DLG2: variants seen among roughly 807,000 people sequenced by gnomAD.
DLG2 encodes the protein discs large MAGUK scaffold protein 2, also known as disks large homolog 2.
A neutral mutation model predicts 132.5 loss-of-function variants in DLG2; 45 were observed. That is an observed-to-expected ratio of 0.34 (90% CI 0.27 to 0.44). The LOEUF (loss-of-function observed/expected upper bound fraction) is 0.44, where lower values mean the gene tolerates loss of function less well. Ranked by LOEUF, DLG2 falls within the 20% of genes least tolerant of loss-of-function variation. The pLI is 1.00. For missense variants in DLG2, 1,045 were observed against 1,196.9 expected (o/e 0.87, Z 1.87); for synonymous variants, 424 against 419.6 (o/e 1.01, Z -0.13).
chr11:85,146,258 C>CTCTCTCTCTCTCTCTA (rs1300809541), intron 5 of DLG2, among the ~76,000 whole-genome samples: 2 of 151,298 alleles, frequency 1.3e-5, no homozygotes, highest in African/African-American at 4.9e-5. Flanking sequence ...CTCTCTCTCT[C>CTCTCTCTCTCTCTCTA]TCTCTCCTGA....
At chr11:83,721,304 T>C (rs186433789) in intron 18 of DLG2, among the ~76,000 whole-genome samples, 1 of 152,342 alleles carries the variant, frequency 6.6e-6, no homozygotes, top group East Asian at 1.9e-4. Flanking sequence ...GGTTCCAATA[T>C]GCATGAATTT....
chr11:85,038,306 T>A (rs1341298845), intron 6 of DLG2, among the ~76,000 whole-genome samples: 1 of 152,054 alleles, frequency 6.6e-6, no homozygotes, highest in Non-Finnish European at 1.5e-5. Flanking sequence ...TTAATCCCAT[T>A]TTTTTTCACA....
Position 83,501,202 on chromosome 11 carries a change from CTTTTTTT to C in DLG2, c.2194-16981_2194-16975del, listed in dbSNP as rs66954557. ...TTCTATTTTTTTCTGTTTTTCTTTT[CTTTTTTT>C]TTTTTTTGGATATTTTCTAAAATTC... On this transcript the variant is annotated intron_variant, in intron 21 of 27. Coordinates refer to ENST00000376104, the MANE Select transcript of DLG2 (RefSeq NM_001142699.3). Among the ~76,000 whole-genome samples, 20 of 137,638 alleles carry C rather than the reference CTTTTTTT, an allele frequency of 1.5e-4. No homozygotes were observed. In the East Asian group the frequency reaches 2.5e-3, roughly 17 times the overall value. 90.3% of individuals were successfully genotyped at this position (137,638 alleles called of 152,430 possible).
intron 10 of DLG2, among the ~76,000 whole-genome samples, chr11:84,093,033 CAA>C (rs562763060): frequency 9.1e-4 from 80 of 87,508 alleles, no homozygotes; most frequent in Admixed American, 1.1e-3. Context: ...GAGTCTCCGT[CAA>C]AAAAAAAAAA....
intron 9 of DLG2, among the ~76,000 whole-genome samples, chr11:84,099,327 A>G (rs943562499): frequency 6.6e-6 from 1 of 152,184 alleles, no homozygotes. Context: ...GGAAATAAAA[A>G]CTTACAAATT....
intron 9 of DLG2, among the ~76,000 whole-genome samples, chr11:84,144,086 C>T (rs2094970338): frequency 6.6e-6 from 1 of 152,010 alleles, no homozygotes; most frequent in South Asian, 2.1e-4. Flanking sequence ...AGTTGGGGCC[C>T]TATGCAGTTT....
At position 83,841,350 on chromosome 11, in the gene DLG2, T is replaced by G. The variant is rs10501549; in HGVS notation, c.1566-7580A>C. Among the ~76,000 whole-genome samples, 3 of 152,320 alleles carry G rather than the reference T, an allele frequency of 2.0e-5. No individual in the cohort carries two copies. The East Asian group carries it at 5.8e-4, about 29-fold the overall frequency. On this transcript the variant is annotated intron_variant, in intron 16 of 27. Coordinates refer to ENST00000376104, the MANE Select transcript of DLG2 (RefSeq NM_001142699.3). ...ATATTGCTGAAGGCTCTGTTACTAATCATTATTATACATCATTATACATTG... is the reference window on the plus strand; with the variant it reads ...ATATTGCTGAAGGCTCTGTTACTAAGCATTATTATACATCATTATACATTG...
At chr11:83,813,501 G>T (rs535386623) in intron 17 of DLG2, among the ~76,000 whole-genome samples, 4 of 152,046 alleles carry the variant, frequency 2.6e-5, no homozygotes, top group Non-Finnish European at 5.9e-5. Flanking sequence ...GTGACACAAG[G>T]CCTTTTCACT....
rs116435473 is a variant in DLG2 at position 84,992,845 on chromosome 11, G to A, written c.357+118816C>T. On this transcript the variant is annotated intron_variant, in intron 6 of 27. Coordinates refer to ENST00000376104, the MANE Select transcript of DLG2 (RefSeq NM_001142699.3). ...TTTTCTCCCATTCTGTAGGTTGTCT[G>A]TCATTGTGGAAGACAGTGTTGCAAA... Among the ~76,000 whole-genome samples, 112 of 152,202 alleles carry A rather than the reference G, an allele frequency of 7.4e-4. 1 individual carries two copies. Among genetic ancestry groups the A allele is most frequent in the African/African-American group, 2.4e-3 (101 of 41,550 alleles).
chr11:85,017,440 G>C (rs768170064), intron 6 of DLG2, among the ~76,000 whole-genome samples: 1 of 150,892 alleles, frequency 6.6e-6, no homozygotes, highest in South Asian at 2.1e-4. Context: ...AATTAATGAT[G>C]ACCTTCTCTC....
chr11:84,900,725 T>C (rs923156912), intron 6 of DLG2, among the ~76,000 whole-genome samples: 7 of 152,050 alleles, frequency 4.6e-5, no homozygotes, highest in African/African-American at 1.7e-4. Flanking sequence ...TCAATTCACT[T>C]TTCACACATT....
intron 8 of DLG2, among the ~76,000 whole-genome samples, chr11:84,168,826 T>TATACACAC (rs1555393273): frequency 4.7e-5 from 7 of 147,994 alleles, no homozygotes; most frequent in Admixed American, 2.0e-4. Flanking sequence ...CACACACACA[T>TATACACAC]ACACACACAC....
chr11:84,366,847 C>A (rs2098686088), intron 7 of DLG2, among the ~76,000 whole-genome samples: 1 of 152,012 alleles, frequency 6.6e-6, no homozygotes, highest in East Asian at 1.9e-4. Flanking sequence ...ACTTAGACTC[C>A]CACACATTAA....
chr11:84,653,182 G>T (rs2099684206), intron 6 of DLG2, among the ~76,000 whole-genome samples: 1 of 152,026 alleles, frequency 6.6e-6, no homozygotes, highest in African/African-American at 2.4e-5. Flanking sequence ...TTCCTGCCTG[G>T]GCCTCCCAAA....
chr11:84,560,583 G>T (rs1019512994), intron 6 of DLG2, among the ~76,000 whole-genome samples: 2 of 152,028 alleles, frequency 1.3e-5, no homozygotes, highest in Non-Finnish European at 2.9e-5. Flanking sequence ...GAGGAGAGGG[G>T]TCTTCTTATA....
intron 6 of DLG2, among the ~76,000 whole-genome samples, chr11:84,714,589 T>TCTCTC (rs2060880691): frequency 1.6e-5 from 2 of 125,940 alleles, no homozygotes; most frequent in African/African-American, 3.6e-5. Context: ...CTCTTTCTCT[T>TCTCTC]TCTCTTTCTT....
chr11:84,362,405 T>C (rs1394180627), intron 7 of DLG2, among the ~76,000 whole-genome samples: 1 of 152,040 alleles, frequency 6.6e-6, no homozygotes, highest in Non-Finnish European at 1.5e-5. Context: ...ATCAGGGTTT[T>C]AATTCAGAAG....
rs376876987 is a variant in DLG2 at position 84,328,535 on chromosome 11, T to C, written c.520-77244A>G. ...CTTTTGGAGCTGTCATAACCAGAATTTGTAATGCAATCATAAAATGGAATC... is the reference window on the plus strand; with the variant it reads ...CTTTTGGAGCTGTCATAACCAGAATCTGTAATGCAATCATAAAATGGAATC... On this transcript the variant is annotated intron_variant, in intron 7 of 27. Coordinates refer to ENST00000376104, the MANE Select transcript of DLG2 (RefSeq NM_001142699.3). Among the ~76,000 whole-genome samples, 28 of 152,292 alleles carry C rather than the reference T, an allele frequency of 1.8e-4. No individual in the cohort carries two copies. The East Asian group carries it at 2.9e-3, about 16-fold the overall frequency.
intron 3 of DLG2, among the ~76,000 whole-genome samples, chr11:85,407,189 T>C (rs542089492): frequency 1.3e-5 from 2 of 151,982 alleles, no homozygotes; most frequent in South Asian, 4.1e-4. Context: ...CAGGCCATTA[T>C]AAGAACTCTA....
Sources: allele counts gnomAD v4.1 joint callset (sites outside exome capture counted in the v4.1 genomes callset), GRCh38; gene constraint gnomAD v4.1.1; transcripts MANE v1.5; gene names NCBI Gene and HGNC (gene_info 2026-07-23, HGNC 2026-07-21).